The following TAF2 variants were observed in gnomAD, a reference collection of about 807,000 sequenced individuals.
The protein encoded by TAF2 is TATA-box binding protein associated factor 2.
A neutral mutation model predicts 138.5 loss-of-function variants in TAF2; 61 were observed. That is an observed-to-expected ratio of 0.44 (90% confidence interval 0.36 to 0.54). The LOEUF is 0.54. TAF2 is among the 20% of genes least tolerant of loss of function. The probability of loss-of-function intolerance (pLI) is 0.00; values close to 1 mark genes in which losing one functional copy is unlikely to be tolerated. For synonymous variants in TAF2, 475 were observed against 469.9 expected (o/e 1.01, Z -0.14); for missense variants, 1,090 against 1,427.9 (o/e 0.76, Z 3.81).
In TAF2 at chr8:119,804,018, C is replaced by T. The variant is rs148745940; in HGVS notation, c.420G>A (p.Glu140=). Residue 140 remains glutamate, a splice_region_variant and synonymous_variant, in exon 5 of 26, where the codon GAG becomes GAA. Transcript: ENST00000378164. ...VPSELWKHVD[E]LKVLKIHINF... ...TGATGTGTATCTTCAGGACCTTTAACTCTGCAACAAATAAACATATACACA... is the reference window on the plus strand; with the variant it reads ...TGATGTGTATCTTCAGGACCTTTAATTCTGCAACAAATAAACATATACACA... 1.2e-6 allele frequency: 2 copies of T among 1,613,906 alleles called. No individual in the cohort carries two copies. Among genetic ancestry groups the T allele is most frequent in the Non-Finnish European group, 1.7e-6 (2 of 1,179,982 alleles).
intron 18 of TAF2, among the ~76,000 whole-genome samples, chr8:119,777,072 T>C (rs1183306945): frequency 2.6e-5 from 4 of 152,210 alleles, no homozygotes; most frequent in Non-Finnish European, 4.4e-5. Flanking sequence ...TTAACAATGA[T>C]ATATATGGCA....
chr8:119,774,338 A>G (rs1036159961), intron 18 of TAF2, among the ~76,000 whole-genome samples: 18 of 152,050 alleles, frequency 1.2e-4, no homozygotes, highest in African/African-American at 4.3e-4. Context: ...GGTGTCTACT[A>G]TTTTCCAGTA....
chr8:119,832,619 A>G lies in TAF2; in HGVS notation c.-55T>C. ...GCTTCCTAGGGGGATACGGGGCATTACTAGTCTTTGGCACCTCACACTCTC... is the reference window on the plus strand; with the variant it reads ...GCTTCCTAGGGGGATACGGGGCATTGCTAGTCTTTGGCACCTCACACTCTC... On this transcript the variant is annotated 5_prime_UTR_variant, in exon 1 of 26. Transcript: ENST00000378164. 1 of 1,555,268 alleles carries G rather than the reference A, an allele frequency of 6.4e-7. No homozygotes were observed. Among genetic ancestry groups the G allele is most frequent in the Non-Finnish European group, 8.8e-7 (1 of 1,136,210 alleles).
At chr8:119,815,727 C>CA (rs1563919857) in intron 3 of TAF2, among the ~76,000 whole-genome samples, 1 of 152,064 alleles carries the variant, frequency 6.6e-6, no homozygotes, top group African/African-American at 2.4e-5. Context: ...AGAAGTACAG[C>CA]AAAAACAAAA....
intron 23 of TAF2, among the ~76,000 whole-genome samples, chr8:119,746,266 A>C (rs1305813466): frequency 6.7e-6 from 1 of 148,958 alleles, no homozygotes; most frequent in East Asian, 2.0e-4. Context: ...CCAGCTACTC[A>C]GGAGGCTAAG....
intron 13 of TAF2, 120 bp from the exon 14 acceptor site, chr8:119,788,567 G>T: frequency 1.9e-6 from 1 of 532,998 alleles, no homozygotes; most frequent in Non-Finnish European, 3.1e-6. Flanking sequence ...AGTATCTGGA[G>T]ACCTAGATAG....
intron 2 of TAF2, among the ~76,000 whole-genome samples, chr8:119,829,547 A>G (rs953576666): frequency 2.6e-5 from 4 of 151,914 alleles, no homozygotes; most frequent in African/African-American, 9.7e-5. Flanking sequence ...GTGTGTATAT[A>G]TATGTATGTG....
chr8:119,803,935 C>G lies in TAF2; in HGVS notation c.503G>C (p.Gly168Ala). ...GLHFVVPSVE[G>A]SMAERGAHVF... ...ATGAGCACCTCTCTCTGCCATACTT[C>G]CCTCTACACTGGGTACCACAAAATG... Residue 168 changes from glycine (G) to alanine (A), a missense_variant, in exon 5 of 26, where the codon GGA becomes GCA. By Grantham distance (60) the Gly-to-Ala change is moderately conservative. This residue lies in a region of TAF2 where 504 missense variants were observed against 680.9 expected (regional missense o/e 0.74). Transcript: ENST00000378164. 6.2e-7 allele frequency: 1 copy of G among 1,614,002 alleles called. No homozygotes were observed. The highest frequency in any genetic ancestry group is 1.3e-5 in the African/African-American group (1 of 75,014).
chr8:119,782,899 G>A (rs971579246), intron 16 of TAF2, among the ~76,000 whole-genome samples: 32 of 152,182 alleles, frequency 2.1e-4, no homozygotes, highest in African/African-American at 7.2e-4. Flanking sequence ...TCCCAGCTGT[G>A]TTGGGGGCTG....
chr8:119,791,136 G>A (rs968876798), intron 11 of TAF2, among the ~76,000 whole-genome samples, 188 bp downstream of exon 11: 2 of 152,118 alleles, frequency 1.3e-5, no homozygotes, highest in Admixed American at 1.3e-4. Context: ...AAATTCATGT[G>A]CAAAGTTGTT....
chr8:119,760,386 G>A (rs966269945), intron 20 of TAF2: 1 of 526,026 alleles, frequency 1.9e-6, no homozygotes, highest in African/African-American at 1.9e-5. Flanking sequence ...TTCTTGGAAA[G>A]GCTAAAGATA....
At chr8:119,759,912 C>T (rs565218360) in intron 20 of TAF2, among the ~76,000 whole-genome samples, 2 of 152,270 alleles carry the variant, frequency 1.3e-5, no homozygotes, top group East Asian at 3.9e-4. Context: ...AGAGGCCACA[C>T]TATTCTTTTG....
rs774407506 is a variant in TAF2 at position 119,762,420 on chromosome 8, A to G, written c.2553T>C (p.Thr851=). The G allele has an allele frequency of 3.7e-6, 6 of 1,613,250 alleles. No homozygotes were observed. In the East Asian group the frequency reaches 1.3e-4, roughly 36 times the overall value. Residue 851 remains threonine (T), a synonymous_variant, in exon 19 of 26, where the codon ACT becomes ACC. Coordinates refer to ENST00000378164, the MANE Select transcript of TAF2 (RefSeq NM_003184.4). ...AGTAAGGAATTTAATCATACCTGAC[A>G]GTGATGGTATGCCTGTAACTCGGAA... ...KLLPSYRHTI[T]VSCLRAIRVL...
At chr8:119,746,572 G>T in intron 23 of TAF2, 133 bp downstream of exon 23, 1 of 943,520 alleles carries the variant, frequency 1.1e-6, no homozygotes, top group Non-Finnish European at 1.7e-6. Context: ...TCAAATGTCA[G>T]CCAGCATTTT....
chr8:119,771,162 C>T lies in TAF2; in HGVS notation c.2364+6857G>A, dbSNP rs967330390. 6.6e-5 allele frequency among the ~76,000 whole-genome samples: 10 copies of T among 152,098 alleles called. No homozygotes were observed. The East Asian group carries it at 1.4e-3, about 21-fold the overall frequency. ...GAGACCCCCTCAATGACAAAAGACA[C>T]CTACAGACTCAAAGTAAAGGGATGG... is the stretch of plus-strand genomic sequence containing the variant. On this transcript the variant is annotated intron_variant, in intron 18 of 25. Coordinates refer to ENST00000378164, the MANE Select transcript of TAF2 (RefSeq NM_003184.4).
At position 119,744,398 on chromosome 8, in the gene TAF2, A is replaced by AAC. The variant is rs775629715; in HGVS notation, c.3109-7_3109-6dup. On this transcript the variant is annotated splice_region_variant and splice_polypyrimidine_tract_variant and intron_variant, in intron 23 of 25. Coordinates refer to ENST00000378164, the MANE Select transcript of TAF2 (RefSeq NM_003184.4). ...CTCATCTTGAGAACTGGAAAACTAAAACACACACACATAAAACAGAGGATA... is the reference window on the plus strand; with the variant it reads ...CTCATCTTGAGAACTGGAAAACTAAAACACACACACACATAAAACAGAGGATA... 8.1e-6 allele frequency: 13 copies of AAC among 1,608,846 alleles called. No homozygotes were observed. In the Middle Eastern group the frequency reaches 5.0e-4, roughly 61 times the overall value.
intron 17 of TAF2, 83 bp downstream of exon 17, chr8:119,780,970 G>C (rs1233929331): frequency 9.1e-7 from 1 of 1,098,764 alleles, no homozygotes; most frequent in Non-Finnish European, 1.3e-6. Context: ...GGCAAAGAAA[G>C]TAAACACATC....
chr8:119,775,478 G>A (rs898952287), intron 18 of TAF2, among the ~76,000 whole-genome samples: 5 of 151,826 alleles, frequency 3.3e-5, no homozygotes, highest in Non-Finnish European at 4.4e-5. Flanking sequence ...CGAGGCAGGC[G>A]AATCACTTGA....
chr8:119,743,105 C>A (rs377642037), intron 24 of TAF2, among the ~76,000 whole-genome samples: 2 of 151,492 alleles, frequency 1.3e-5, no homozygotes, highest in Admixed American at 6.6e-5. Context: ...AAAACAAAAA[C>A]AGTAAACCTG....
Sources: allele counts gnomAD v4.1 joint callset (sites outside exome capture counted in the v4.1 genomes callset), GRCh38; gene constraint gnomAD v4.1.1; regional missense constraint gnomAD v4.1.1; transcripts MANE v1.5; gene names NCBI Gene and HGNC (gene_info 2026-07-23, HGNC 2026-07-21).